Variants in ADGRL2 observed in about 807,000 individuals in gnomAD.
ADGRL2 encodes calcium-independent alpha-latrotoxin receptor 2.
ADGRL2 carries 44 observed loss-of-function variants against 157.4 expected under a neutral mutation model. That is an observed-to-expected ratio of 0.28 (90% CI 0.22 to 0.36). The LOEUF is 0.36. Among genes scored for constraint, ADGRL2 ranks in the 10% least tolerant of loss-of-function variants. The pLI is 1.00. For synonymous variants in ADGRL2, 585 were observed against 624.7 expected, an observed-to-expected ratio of 0.94 and a Z score of 0.95; for missense variants, 1,510 against 1,768.9, an observed-to-expected ratio of 0.85 and a Z score of 2.63.
At chr1:81,805,672 A>T in intron 1 of ADGRL2, among the ~76,000 whole-genome samples, 1 of 146,770 alleles carries the variant, frequency 6.8e-6, no homozygotes, top group Non-Finnish European at 1.5e-5. Context: ...CCCTGAAATT[A>T]TTTTATGGTA....
At chr1:81,762,736 G>A (rs994776663) in intron 2 of ADGRL2, among the ~76,000 whole-genome samples, 2 of 152,008 alleles carry the variant, frequency 1.3e-5, no homozygotes, top group Non-Finnish European at 2.9e-5. Context: ...GAGAGACTTG[G>A]CAGTATATCT....
chr1:81,470,844 A>C (rs1571064132), intron 2 of ADGRL2, among the ~76,000 whole-genome samples: 1 of 152,346 alleles, frequency 6.6e-6, no homozygotes, highest in East Asian at 1.9e-4. Context: ...GTTGAAAGGA[A>C]GAATACAATT....
intron 2 of ADGRL2, among the ~76,000 whole-genome samples, chr1:81,468,520 A>G (rs2078106735): frequency 6.6e-6 from 1 of 152,200 alleles, no homozygotes; most frequent in Non-Finnish European, 1.5e-5. Context: ...TGTGACAACA[A>G]TGAATACAAA....
chr1:81,728,328 TA>T (rs2084606556), intron 1 of ADGRL2, among the ~76,000 whole-genome samples: 2 of 152,210 alleles, frequency 1.3e-5, no homozygotes, highest in Non-Finnish European at 2.9e-5. Context: ...TTGGGAATCA[TA>T]TTTCGGTCCA....
chr1:81,709,103 A>T (rs1317817028), intron 1 of ADGRL2, among the ~76,000 whole-genome samples: 1 of 152,164 alleles, frequency 6.6e-6, no homozygotes, highest in African/African-American at 2.4e-5. Flanking sequence ...TATTCTAAAA[A>T]GAAAAACTAA....
At chr1:81,676,153 C>A (rs2082984146) in intron 3 of ADGRL2, among the ~76,000 whole-genome samples, 1 of 152,090 alleles carries the variant, frequency 6.6e-6, no homozygotes, top group African/African-American at 2.4e-5. Context: ...TGGCACCCGC[C>A]ACCATGCCAC....
At chr1:81,955,797 A>G (rs1285903521) in intron 10 of ADGRL2, 80 bp from the exon 11 acceptor site, 3 of 803,298 alleles carry the variant, frequency 3.7e-6, no homozygotes. Context: ...TAAATATTAC[A>G]ATTGTCACTC....
Position 81,722,712 on chromosome 1 carries a change from G to A in ADGRL2, c.-143+22904G>A, listed in dbSNP as rs140098744. 7.9e-4 allele frequency: 769 copies of A among 977,832 alleles called. 1 individual carries two copies. In the African/African-American group the frequency reaches 0.01, roughly 13 times the overall value. 60.6% of individuals were successfully genotyped at this position (977,832 alleles called of 1,614,324 possible). On this transcript the variant is annotated intron_variant, in intron 1 of 20. Coordinates refer to the ADGRL2 transcript ENST00000359929. ...TTGCAGAAGAAAGTATGAGCGAAAC[G>A]TGAAGAGCGAGAGATCAAAGAATAG...
chr1:81,680,295 A>G (rs1343355650), intron 3 of ADGRL2, among the ~76,000 whole-genome samples: 1 of 152,194 alleles, frequency 6.6e-6, no homozygotes, highest in East Asian at 1.9e-4. Context: ...TAGGAATGAA[A>G]ACTTAAATCT....
At chr1:81,627,300 G>T (rs560973030) in intron 3 of ADGRL2, among the ~76,000 whole-genome samples, 1 of 152,116 alleles carries the variant, frequency 6.6e-6, no homozygotes, top group East Asian at 1.9e-4. Context: ...AATCTGAACT[G>T]CAGACACTTT....
At chr1:81,645,523 T>G (rs1204134793) in intron 3 of ADGRL2, among the ~76,000 whole-genome samples, 1 of 152,150 alleles carries the variant, frequency 6.6e-6, no homozygotes, top group Non-Finnish European at 1.5e-5. Context: ...GCCATCATCA[T>G]TATCCAGTTT....
At chr1:81,757,770 C>A (rs2085740357) in intron 1 of ADGRL2, among the ~76,000 whole-genome samples, 3 of 152,172 alleles carry the variant, frequency 2.0e-5, no homozygotes, top group Admixed American at 2.0e-4. Context: ...AAACTACTCA[C>A]CAGCTCTTTA....
intron 1 of ADGRL2, among the ~76,000 whole-genome samples, chr1:81,758,561 T>C (rs1408245703): frequency 6.6e-6 from 1 of 152,200 alleles, no homozygotes; most frequent in Non-Finnish European, 1.5e-5. Flanking sequence ...TAGGTTTCCA[T>C]ACTAACATAA....
At position 81,729,911 on chromosome 1, in the gene ADGRL2, T is replaced by G. The variant is rs113431304; in HGVS notation, c.-143+30103T>G. 3.4e-3 allele frequency among the ~76,000 whole-genome samples: 523 copies of G among 152,326 alleles called. 4 individuals are homozygous for G. The highest frequency in any genetic ancestry group is 0.012 in the African/African-American group (484 of 41,568). On this transcript the variant is annotated intron_variant, in intron 1 of 20. Transcript: ENST00000359929. ...AGTTTCATTACTTCTCCTATTCAGA[T>G]ATATCCTCAAATTGTGGCAATATGC...
intron 1 of ADGRL2, among the ~76,000 whole-genome samples, chr1:81,727,053 G>T (rs1245384581): frequency 6.6e-6 from 1 of 152,166 alleles, no homozygotes; most frequent in Non-Finnish European, 1.5e-5. Flanking sequence ...AACATGTACA[G>T]TAACAATTGC....
chr1:81,598,790 A>G (rs2081284698), intron 3 of ADGRL2, among the ~76,000 whole-genome samples: 2 of 152,380 alleles, frequency 1.3e-5, no homozygotes, highest in South Asian at 4.1e-4. Context: ...AAATATTTGC[A>G]TACAGATGTG....
At chr1:81,359,748 A>G (rs1318151489) in intron 1 of ADGRL2, among the ~76,000 whole-genome samples, 1 of 151,988 alleles carries the variant, frequency 6.6e-6, no homozygotes, top group Non-Finnish European at 1.5e-5. Context: ...ATTTACCTAC[A>G]TAAATGCATT....
intron 2 of ADGRL2, among the ~76,000 whole-genome samples, chr1:81,874,589 G>T (rs1335644534): frequency 6.6e-6 from 1 of 151,234 alleles, no homozygotes. Flanking sequence ...CTTTCTTTCT[G>T]TCTGTCTTGT....
chr1:81,587,847 A>T (rs1190015885), intron 3 of ADGRL2, among the ~76,000 whole-genome samples: 1 of 152,070 alleles, frequency 6.6e-6, no homozygotes, highest in African/African-American at 2.4e-5. Flanking sequence ...TAGGTTTAGG[A>T]GGTATAATTA....
Sources: gnomAD v4.1 joint callset for allele counts (sites outside exome capture counted in the v4.1 genomes callset) on GRCh38, gnomAD v4.1.1 for gene constraint, MANE v1.5 for transcripts, NCBI Gene and HGNC (gene_info 2026-07-23, HGNC 2026-07-21) for gene names.